Variants in NEK10 observed in about 807,000 individuals in gnomAD.
NEK10 encodes NIMA related kinase 10.
NEK10 carries 122 observed loss-of-function variants against 159.8 expected under a neutral mutation model. That is an observed-to-expected ratio of 0.76 (90% confidence interval 0.66 to 0.89). The LOEUF (loss-of-function observed/expected upper bound fraction) is 0.89. NEK10 is among the 40% of genes least tolerant of loss of function. The pLI, the probability that NEK10 is intolerant of heterozygous loss-of-function variation, is 0.00. For missense variants in NEK10, 1,342 were observed against 1,323.1 expected, an observed-to-expected ratio of 1.01 and a Z score of -0.22; for synonymous variants, 466 against 457.1, an observed-to-expected ratio of 1.02 and a Z score of -0.25.
intron 23 of NEK10, among the ~76,000 whole-genome samples, chr3:27,234,073 C>G (rs1472437348): frequency 1.3e-5 from 2 of 152,044 alleles, no homozygotes; most frequent in African/African-American, 4.8e-5. Context: ...ATTCAACATC[C>G]CTTCATGCTA....
chr3:27,312,766 T>G (rs2044806548), intron 7 of NEK10, among the ~76,000 whole-genome samples: 1 of 152,154 alleles, frequency 6.6e-6, no homozygotes, highest in Non-Finnish European at 1.5e-5. Flanking sequence ...AAGAAGATGC[T>G]TTGTAACATA....
intron 32 of NEK10, among the ~76,000 whole-genome samples, chr3:27,123,096 GC>G (rs1941525258): frequency 6.6e-6 from 1 of 152,042 alleles, no homozygotes. Flanking sequence ...ACTATTTTTT[GC>G]CCCCAGTGTA....
chr3:27,313,200 G>C (rs1232945404), intron 7 of NEK10, among the ~76,000 whole-genome samples: 1 of 151,772 alleles, frequency 6.6e-6, no homozygotes, highest in African/African-American at 2.4e-5. Context: ...GGGAGGCAGA[G>C]GTTGCAGTGA....
intron 14 of NEK10, among the ~76,000 whole-genome samples, chr3:27,296,780 TTTTG>T (rs2043385869): frequency 6.6e-6 from 1 of 152,180 alleles, no homozygotes; most frequent in African/African-American, 2.4e-5. Flanking sequence ...GCAATAAATA[TTTTG>T]TTTGCTGTGT....
intron 29 of NEK10, among the ~76,000 whole-genome samples, chr3:27,163,542 C>T (rs1163566219): frequency 3.3e-5 from 5 of 151,802 alleles, no homozygotes; most frequent in African/African-American, 1.2e-4. Flanking sequence ...TTAGTAGAGA[C>T]AGTGTTTCAC....
chr3:27,127,937 G>A (rs963576276), intron 32 of NEK10, among the ~76,000 whole-genome samples: 5 of 151,920 alleles, frequency 3.3e-5, no homozygotes, highest in Non-Finnish European at 7.4e-5. Context: ...GAAGAAAACA[G>A]GTCACTTTTC....
intron 23 of NEK10, among the ~76,000 whole-genome samples, chr3:27,208,957 C>T (rs1267527058): frequency 6.6e-6 from 1 of 152,114 alleles, no homozygotes; most frequent in Admixed American, 6.5e-5. Context: ...GAACACAAAC[C>T]TCTTACAGAG....
intron 23 of NEK10, among the ~76,000 whole-genome samples, chr3:27,246,381 C>G (rs1955065348): frequency 6.6e-6 from 1 of 152,084 alleles, no homozygotes; most frequent in Non-Finnish European, 1.5e-5. Context: ...ACCTTTCATC[C>G]TCAAGTAAAT....
At chr3:27,146,724 A>G (rs1944331985) in intron 30 of NEK10, among the ~76,000 whole-genome samples, 1 of 152,246 alleles carries the variant, frequency 6.6e-6, no homozygotes, top group Admixed American at 6.5e-5. Flanking sequence ...TGTAGGCTAA[A>G]GAGCAAATTC....
chr3:27,120,682 C>A (rs554890473), intron 32 of NEK10, among the ~76,000 whole-genome samples: 216 of 152,168 alleles, frequency 1.4e-3, no homozygotes, highest in Non-Finnish European at 2.7e-3. Context: ...ATTTTAATCT[C>A]CAAATATTAA....
At chr3:27,222,225 T>G (rs895704198) in intron 23 of NEK10, among the ~76,000 whole-genome samples, 3 of 151,912 alleles carry the variant, frequency 2.0e-5, no homozygotes, top group African/African-American at 7.3e-5. Flanking sequence ...ATACAAAAAT[T>G]AGCCAGGCAT....
At position 27,107,058 on chromosome 3, in the gene NEK10, G is replaced by T. The variant is rs182832322; in HGVS notation, c.*4214C>A. 6.6e-6 allele frequency among the ~76,000 whole-genome samples: 1 copy of T among 151,892 alleles called. No homozygotes were observed. Among genetic ancestry groups the T allele is most frequent in the East Asian group, 1.9e-4 (1 of 5,182 alleles). ...AAGACTACAGTTCATTTACTTTTAG[G>T]ATAAAGCAATGAACTGTATCTTAAA... On this transcript the variant is annotated 3_prime_UTR_variant, in exon 36 of 36. Coordinates refer to ENST00000691995, the MANE Select transcript of NEK10 (RefSeq NM_001394966.1).
chr3:27,175,901 C>G (rs1465091894), intron 26 of NEK10, among the ~76,000 whole-genome samples: 2 of 152,188 alleles, frequency 1.3e-5, no homozygotes, highest in African/African-American at 4.8e-5. Context: ...CCTAGCACTT[C>G]TTGACTAAAA....
chr3:27,143,371 TC>T, intron 30 of NEK10: 1 of 653,562 alleles, frequency 1.5e-6, no homozygotes, highest in Non-Finnish European at 2.7e-6. Flanking sequence ...TGAGTTAAAA[TC>T]TCACAACATG....
intron 1 of NEK10, among the ~76,000 whole-genome samples, chr3:27,353,156 A>C (rs2048091804): frequency 6.6e-6 from 1 of 152,208 alleles, no homozygotes; most frequent in Non-Finnish European, 1.5e-5. Context: ...TGGGTTTGCC[A>C]GTAGACAAAG....
intron 5 of NEK10, among the ~76,000 whole-genome samples, chr3:27,323,099 C>T (rs543729246): frequency 6.6e-6 from 1 of 152,198 alleles, no homozygotes; most frequent in South Asian, 2.1e-4. Context: ...AAATTAATGA[C>T]TGAAAACATG....
At chr3:27,255,205 A>G in intron 23 of NEK10, 1 of 265,788 alleles carries the variant, frequency 3.8e-6, no homozygotes, top group African/African-American at 2.3e-5. Flanking sequence ...CGAGTAGGTC[A>G]GCCTTACTGT....
intron 20 of NEK10, among the ~76,000 whole-genome samples, chr3:27,286,107 A>G (rs2042580017): frequency 1.8e-5 from 1 of 55,754 alleles, no homozygotes; most frequent in South Asian, 5.2e-4. Context: ...TTTTTTTGAG[A>G]TGGAGTCTCA....
intron 25 of NEK10, among the ~76,000 whole-genome samples, chr3:27,200,819 A>G (rs1949979023): frequency 6.6e-6 from 1 of 152,154 alleles, no homozygotes; most frequent in Non-Finnish European, 1.5e-5. Flanking sequence ...TGTCACACAT[A>G]TATCTGAGGA....
Sources: allele counts gnomAD v4.1 joint callset (sites outside exome capture counted in the v4.1 genomes callset), GRCh38; gene constraint gnomAD v4.1.1; transcripts MANE v1.5; gene names NCBI Gene and HGNC (gene_info 2026-07-23, HGNC 2026-07-21).